The following DAB1 variants were observed in gnomAD, a reference collection of about 807,000 sequenced individuals.
DAB1 encodes the protein DAB adaptor protein 1.
In DAB1, 15 loss-of-function variants were observed where a neutral mutation model predicts 64.6. The observed-to-expected ratio is 0.23, with a 90% CI of 0.16 to 0.36. The LOEUF is 0.36. Ranked by LOEUF, DAB1 falls within the 10% of genes least tolerant of loss-of-function variation. The pLI is 1.00. For missense variants in DAB1, 596 were observed against 706.7 expected, an observed-to-expected ratio of 0.84 and a Z score of 1.78; for synonymous variants, 235 against 251.9, an observed-to-expected ratio of 0.93 and a Z score of 0.64.
At position 57,727,726 on chromosome 1, in the gene DAB1, CTCCT is replaced by C. The variant is rs544033691; in HGVS notation, n.552-78065_552-78062del. ...CACCCTCTTCTGCTTCCTTCCTTCTCTCCTTCCTTCCTTCCTTCCTTCCTTCCTT... is the reference window on the plus strand; with the variant it reads ...CACCCTCTTCTGCTTCCTTCCTTCTCTCCTTCCTTCCTTCCTTCCTTCCTT... On this transcript the variant is annotated intron_variant and non_coding_transcript_variant, in intron 6 of 20. Transcript: ENST00000485760. Among the ~76,000 whole-genome samples the C allele has an allele frequency of 1.8e-3, 244 of 137,116 alleles. 2 individuals carry two copies. The highest frequency in any genetic ancestry group is 7.7e-3 in the Middle Eastern group (2 of 260). 90.0% of individuals were successfully genotyped at this position (137,116 alleles called of 152,430 possible). A position where few individuals can be genotyped will look rare whatever the true frequency, so the allele number is the denominator to read the frequency against.
At chr1:57,541,359 G>C (rs1418309535) in intron 7 of DAB1, among the ~76,000 whole-genome samples, 3 of 152,116 alleles carry the variant, frequency 2.0e-5, no homozygotes, top group African/African-American at 4.8e-5. Context: ...TCGATCCCCT[G>C]ACCTTGTGAT....
chr1:57,419,897 T>C (rs897349360), intron 1 of DAB1, among the ~76,000 whole-genome samples: 2 of 152,244 alleles, frequency 1.3e-5, no homozygotes, highest in Non-Finnish European at 2.9e-5. Context: ...TACCACCTTT[T>C]AGTTTGAGAA....
At chr1:57,329,923 G>T (rs1676512828) in intron 1 of DAB1, among the ~76,000 whole-genome samples, 1 of 152,196 alleles carries the variant, frequency 6.6e-6, no homozygotes, top group African/African-American at 2.4e-5. Flanking sequence ...AACCCATCAA[G>T]AAATATTGCT....
At position 57,035,830 on chromosome 1, in the gene DAB1, G is replaced by A. The variant is rs1647124968; in HGVS notation, c.724-9787C>T. The stretch of plus-strand genomic sequence containing the variant: ...TTTGGCTCATTTCAGTAACGCACAT[G>A]CACTTTTTTTTTTTTTTTTTTTTTT... On this transcript the variant is annotated intron_variant, in intron 9 of 14. Coordinates refer to ENST00000371236, the MANE Select transcript of DAB1 (RefSeq NM_001365792.1). 2.3e-5 allele frequency among the ~76,000 whole-genome samples: 3 copies of A among 132,924 alleles called. 1 individual carries two copies. In the South Asian group the frequency reaches 7.2e-4, roughly 32 times the overall value. The allele number at this position is 132,924 out of a possible 152,430, so 87.2% of individuals were successfully genotyped here. A position where few individuals can be genotyped will look rare whatever the true frequency, so the allele number is the denominator to read the frequency against.
chr1:58,319,645 G>A (rs567174425), intron 4 of DAB1, among the ~76,000 whole-genome samples: 1 of 152,248 alleles, frequency 6.6e-6, no homozygotes, highest in South Asian at 2.1e-4. Flanking sequence ...TTCAGTTGTT[G>A]GTAAGTGATT....
At chr1:58,287,764 G>C (rs1054351894) in intron 4 of DAB1, among the ~76,000 whole-genome samples, 2 of 152,126 alleles carry the variant, frequency 1.3e-5, no homozygotes, top group African/African-American at 4.8e-5. Context: ...GCTCATGCCT[G>C]TAATCCCAAC....
intron 1 of DAB1, chr1:57,306,932 G>A (rs1674231083): frequency 6.6e-6 from 1 of 152,170 alleles, no homozygotes; most frequent in Non-Finnish European, 1.5e-5. Flanking sequence ...CTTCTCTGCA[G>A]GGTAGCAAAG....
At chr1:57,594,475 GC>G (rs5774359) in intron 7 of DAB1, among the ~76,000 whole-genome samples, 4,760 of 152,076 alleles carry the variant, frequency 0.031, 191 homozygotes, top group Admixed American at 0.13. Context: ...TGTCCAGGGT[GC>G]CCCCATTTGA....
chr1:57,678,189 C>T (rs1052521785), intron 6 of DAB1, among the ~76,000 whole-genome samples: 1 of 151,768 alleles, frequency 6.6e-6, no homozygotes, highest in East Asian at 2.0e-4. Flanking sequence ...AAAGCAGAGG[C>T]ACATATGGGC....
intron 2 of DAB1, among the ~76,000 whole-genome samples, chr1:57,283,733 T>C (rs1408046446): frequency 2.6e-5 from 4 of 152,200 alleles, no homozygotes; most frequent in African/African-American, 9.7e-5. Flanking sequence ...CCTGAGATGT[T>C]AATGAGGTGA....
intron 4 of DAB1, among the ~76,000 whole-genome samples, chr1:57,123,896 A>G (rs1656890443): frequency 6.6e-6 from 1 of 152,218 alleles, no homozygotes; most frequent in Non-Finnish European, 1.5e-5. Context: ...GTTTATATCT[A>G]AGTGGTGAGA....
chr1:58,508,915 G>A (rs2100422445), intron 2 of DAB1, among the ~76,000 whole-genome samples: 1 of 152,206 alleles, frequency 6.6e-6, no homozygotes, highest in South Asian at 2.1e-4. Flanking sequence ...ACTGGCTTCT[G>A]TCTCATCTGT....
chr1:58,296,195 GAGAA>G (rs56816699), intron 4 of DAB1, among the ~76,000 whole-genome samples: 20,057 of 93,074 alleles, frequency 0.22, 2,197 homozygotes, highest in Middle Eastern at 0.26. Context: ...GAGAAAGAAA[GAGAA>G]AGAAAGAAAG....
intron 5 of DAB1, among the ~76,000 whole-genome samples, chr1:57,918,667 A>AC (rs1283719016): frequency 6.6e-6 from 1 of 152,124 alleles, no homozygotes; most frequent in Non-Finnish European, 1.5e-5. Context: ...TACTAAAAAT[A>AC]CAAAAAATTA....
Position 58,032,592 on chromosome 1 carries a change from G to A in DAB1, n.387+117919C>T, listed in dbSNP as rs1004482441. Among the ~76,000 whole-genome samples the A allele has an allele frequency of 2.0e-5, 3 of 152,268 alleles. 1 individual carries two copies. The highest frequency in any genetic ancestry group is 4.1e-4 in the South Asian group (2 of 4,828). ...CTAATCCCCATGTCAGCCAGCAGGA[G>A]TTGTCATCTGTGTTTCACGAGCCAG... On this transcript the variant is annotated intron_variant and non_coding_transcript_variant, in intron 5 of 20. Coordinates refer to the DAB1 transcript ENST00000485760.
At chr1:58,347,499 A>G (rs1004315309) in intron 3 of DAB1, among the ~76,000 whole-genome samples, 8 of 152,150 alleles carry the variant, frequency 5.3e-5, no homozygotes, top group Admixed American at 3.3e-4. Context: ...AGATCAAAAA[A>G]TGCCTGAGCC....
In DAB1 at chr1:57,023,584, G is replaced by C. The variant is rs768523539; in HGVS notation, c.842C>G (p.Ala281Gly). Residue 281 changes from alanine (A) to glycine (G), a missense_variant, in exon 11 of 15, where the codon GCG becomes GGG. Physicochemically the swap from Ala to Gly is moderately conservative, Grantham distance 60. Around this residue, in one of 3 missense-constraint regions of DAB1, gnomAD observed 377 missense variants for 400.4 expected, o/e 0.94. Transcript: ENST00000371236. ...FIPSSSQTLP[A>G]SADVFSSVPF... Reference sequence around the variant, plus strand: ...TACAGAACTAAACACATCTGCACTCGCTGGAAGGGTCTGAGATGAAGATGG... The same window carrying C: ...TACAGAACTAAACACATCTGCACTCCCTGGAAGGGTCTGAGATGAAGATGG... 1.2e-6 allele frequency: 2 copies of C among 1,612,346 alleles called. No individual in the cohort carries two copies. Among genetic ancestry groups the C allele is most frequent in the South Asian group, 2.2e-5 (2 of 90,258 alleles).
intron 6 of DAB1, among the ~76,000 whole-genome samples, chr1:57,777,790 G>A (rs2101838714): frequency 6.6e-6 from 1 of 151,930 alleles, no homozygotes; most frequent in East Asian, 1.9e-4. Flanking sequence ...TCTGATTTTA[G>A]GTCATCTGTT....
chr1:57,970,711 T>C (rs1283560135), intron 5 of DAB1, among the ~76,000 whole-genome samples: 2 of 152,140 alleles, frequency 1.3e-5, no homozygotes, highest in African/African-American at 4.8e-5. Flanking sequence ...TCTAAACTGG[T>C]TGTAGTAAAC....
Sources: allele counts gnomAD v4.1 joint callset (sites outside exome capture counted in the v4.1 genomes callset), GRCh38; gene constraint gnomAD v4.1.1; regional missense constraint gnomAD v4.1.1; transcripts MANE v1.5; gene names NCBI Gene and HGNC (gene_info 2026-07-23, HGNC 2026-07-21).